PAPOLA: variants seen among roughly 807,000 people sequenced by gnomAD.
PAPOLA encodes the protein poly(A) polymerase alpha.
In PAPOLA, 15 loss-of-function variants were observed where a neutral mutation model predicts 100.6. That is an observed-to-expected ratio of 0.15 (90% CI 0.10 to 0.23). The LOEUF (loss-of-function observed/expected upper bound fraction) is 0.23. Among genes scored for constraint, PAPOLA ranks in the 10% least tolerant of loss-of-function variants. The pLI is 1.00. For missense variants in PAPOLA, 533 were observed against 884.2 expected (o/e 0.60, Z 5.04); for synonymous variants, 293 against 300.0 (o/e 0.98, Z 0.24).
At chr14:96,538,903 AT>A (rs1000642759) in intron 12 of PAPOLA, among the ~76,000 whole-genome samples, 7 of 152,082 alleles carry the variant, frequency 4.6e-5, no homozygotes, top group Admixed American at 4.6e-4. Flanking sequence ...GTCAGTTGAT[AT>A]GTGTAGGATT....
chr14:96,555,278 G>T (rs1901217560), intron 17 of PAPOLA, among the ~76,000 whole-genome samples: 3 of 138,532 alleles, frequency 2.2e-5, no homozygotes, highest in South Asian at 4.5e-4. Flanking sequence ...GGCTCACTGT[G>T]TTGTCCGGGC....
chr14:96,558,101 G>A (rs1033461659), intron 19 of PAPOLA, among the ~76,000 whole-genome samples: 43 of 152,004 alleles, frequency 2.8e-4, no homozygotes, highest in African/African-American at 8.5e-4. Flanking sequence ...TTATCTCTTA[G>A]GGCAGTGATT....
In PAPOLA at chr14:96,542,235, C is replaced by T. The variant is rs781466602; in HGVS notation, c.1116-8C>T. The T allele has an allele frequency of 1.1e-5, 17 of 1,557,052 alleles. No homozygotes were observed. Among genetic ancestry groups the T allele is most frequent in the Non-Finnish European group, 1.3e-5 (15 of 1,130,282 alleles). ...AAAATAAATAGCATGTTGTCTTTAT[C>T]TTCAAAGGCATTATATTGTACTTCT... On this transcript the variant is annotated splice_polypyrimidine_tract_variant and splice_region_variant and intron_variant, in intron 12 of 21. Coordinates refer to ENST00000216277, the MANE Select transcript of PAPOLA (RefSeq NM_032632.5).
chr14:96,566,007 C>T lies in PAPOLA; in HGVS notation c.*957C>T. ...TGGCACAGAACACTAAATTTTGGTCCCATGGCTGAAACTTGAGGGTGACTA... is the reference window on the plus strand; with the variant it reads ...TGGCACAGAACACTAAATTTTGGTCTCATGGCTGAAACTTGAGGGTGACTA... On this transcript the variant is annotated 3_prime_UTR_variant, in exon 22 of 22. Coordinates refer to ENST00000216277, the MANE Select transcript of PAPOLA (RefSeq NM_032632.5). The T allele has an allele frequency of 5.0e-6, 2 of 397,452 alleles. No homozygotes were observed. The highest frequency in any genetic ancestry group is 8.9e-6 in the Non-Finnish European group (2 of 225,040). 24.6% of individuals were successfully genotyped at this position (397,452 alleles called of 1,614,324 possible). A position where few individuals can be genotyped will look rare whatever the true frequency, so the allele number is the denominator to read the frequency against.
chr14:96,537,649 G>C (rs1233314229), intron 12 of PAPOLA: 1 of 151,944 alleles, frequency 6.6e-6, no homozygotes, highest in Non-Finnish European at 1.5e-5. Flanking sequence ...CCTTAGTACA[G>C]GTTAAAAGCT....
intron 9 of PAPOLA, chr14:96,533,824 A>T: frequency 1.1e-6 from 1 of 927,694 alleles, no homozygotes; most frequent in Non-Finnish European, 1.3e-6. Flanking sequence ...TAGTGCTGGG[A>T]TTACAGGCGT....
chr14:96,520,117 C>G lies in PAPOLA; in HGVS notation c.71C>G (p.Ser24Cys). The G allele has an allele frequency of 6.2e-7, 1 of 1,613,970 alleles. No individual in the cohort carries two copies. The highest frequency in any genetic ancestry group is 8.5e-7 in the Non-Finnish European group (1 of 1,179,866). ...CCACAGAAGCACTATGGCATTACTTCTCCTATCAGCTTAGCAGCCCCCAAG... is the reference window on the plus strand; with the variant it reads ...CCACAGAAGCACTATGGCATTACTTGTCCTATCAGCTTAGCAGCCCCCAAG... ...QPPQKHYGIT[S>C]PISLAAPKET... is the part of the protein sequence containing the mutation. The change falls in exon 2 of 22, where the codon TCT (serine) becomes TGT (cysteine). Residue 24 changes from serine (S) to cysteine (C), a missense_variant. Physicochemically the swap from Ser to Cys is moderately radical, Grantham distance 112 (BLOSUM62 -1). Transcript: ENST00000216277.
chr14:96,532,828 T>G (rs1899153990), intron 9 of PAPOLA, 179 bp downstream of exon 9: 1 of 1,339,848 alleles, frequency 7.5e-7, no homozygotes, highest in Non-Finnish European at 9.5e-7. Flanking sequence ...TTTTTTTCCC[T>G]AGTTTGGCCA....
chr14:96,509,980 T>TTTG (rs1897000089), intron 1 of PAPOLA, among the ~76,000 whole-genome samples: 1 of 150,938 alleles, frequency 6.6e-6, no homozygotes, highest in African/African-American at 2.4e-5. Context: ...TTTTTTTTTT[T>TTTG]TTTTTAATCT....
intron 3 of PAPOLA, among the ~76,000 whole-genome samples, chr14:96,522,116 CTTTTTTTTTTT>C (rs754167531): frequency 4.7e-4 from 27 of 57,842 alleles, no homozygotes; most frequent in Admixed American, 3.4e-3. Flanking sequence ...TTCTTTCTTT[CTTTTTTTTTTT>C]TTTTTTTTTT....
At chr14:96,513,221 A>G (rs954066300) in intron 1 of PAPOLA, among the ~76,000 whole-genome samples, 3 of 151,974 alleles carry the variant, frequency 2.0e-5, no homozygotes, top group Non-Finnish European at 4.4e-5. Flanking sequence ...GGTGCATGCC[A>G]CTACAGCTGG....
intron 17 of PAPOLA, among the ~76,000 whole-genome samples, chr14:96,555,445 T>C (rs1313625069): frequency 1.3e-5 from 2 of 152,208 alleles, no homozygotes; most frequent in Admixed American, 6.5e-5. Flanking sequence ...CAAAATTAGC[T>C]AAGAATAGAT....
intron 1 of PAPOLA, among the ~76,000 whole-genome samples, chr14:96,513,422 AAT>A (rs1897237092): frequency 6.6e-6 from 1 of 152,142 alleles, no homozygotes; most frequent in African/African-American, 2.4e-5. Flanking sequence ...GATTAAAGAG[AAT>A]ATGTCTTCCA....
chr14:96,508,741 G>T (rs1219374024), intron 1 of PAPOLA, among the ~76,000 whole-genome samples: 2 of 152,172 alleles, frequency 1.3e-5, no homozygotes, highest in African/African-American at 2.4e-5. Flanking sequence ...TTGGGAGGGT[G>T]TGTGTGTCTC....
In PAPOLA at chr14:96,552,451, T is replaced by C. The variant is rs534304600; in HGVS notation, c.1522-29T>C. 9.5e-5 allele frequency: 150 copies of C among 1,585,512 alleles called. 1 individual carries two copies. The South Asian group carries it at 1.5e-3, about 16-fold the overall frequency. On this transcript the variant is annotated intron_variant, in intron 16 of 21. Coordinates refer to ENST00000216277, the MANE Select transcript of PAPOLA (RefSeq NM_032632.5). ...TCAACATTTGGATGAAATAAAGATA[T>C]ATTTGATAAAATGTTTTATTGTTTG...
chr14:96,535,294 G>A (rs1899419927), intron 10 of PAPOLA: 2 of 983,582 alleles, frequency 2.0e-6, no homozygotes, highest in African/African-American at 1.7e-5. Context: ...CGAACCTCAA[G>A]GCATTTACTT....
intron 6 of PAPOLA, among the ~76,000 whole-genome samples, chr14:96,528,359 T>C (rs1055724849): frequency 9.2e-5 from 14 of 152,208 alleles, no homozygotes; most frequent in African/African-American, 3.4e-4. Context: ...TTGCTTTGAC[T>C]TCATTTAAAA....
At chr14:96,560,342 C>CTTT in intron 19 of PAPOLA, 1 of 196,226 alleles carries the variant, frequency 5.1e-6, no homozygotes, top group Non-Finnish European at 1.0e-5. Flanking sequence ...ATCAGGAACT[C>CTTT]TTTTTTTTTT....
intron 12 of PAPOLA, chr14:96,542,036 C>A (rs1196596671): frequency 2.7e-6 from 1 of 364,982 alleles, no homozygotes; most frequent in Non-Finnish European, 5.0e-6. Context: ...TTCATAAAGT[C>A]ACTGCCTTTT....
Sources: allele counts gnomAD v4.1 joint callset (sites outside exome capture counted in the v4.1 genomes callset), GRCh38; gene constraint gnomAD v4.1.1; transcripts MANE v1.5; gene names NCBI Gene and HGNC (gene_info 2026-07-23, HGNC 2026-07-21).